COPG2: variants seen among roughly 807,000 people sequenced by gnomAD.
COPG2 encodes the protein coatomer subunit gamma-2.
In COPG2, 37 loss-of-function variants were observed where a neutral mutation model predicts 46.3. The observed-to-expected ratio is 0.80, with a 90% CI of 0.61 to 1.05. The LOEUF is 1.05. Ranked by LOEUF, COPG2 falls within the 50% of genes least tolerant of loss-of-function variation. COPG2 has a pLI of 0.00. For missense variants in COPG2, 427 were observed against 387.8 expected (o/e 1.10, Z -0.85); for synonymous variants, 159 against 129.7 (o/e 1.23, Z -1.53).
intron 4 of COPG2, among the ~76,000 whole-genome samples, chr7:130,661,873 G>A (rs1795987376): frequency 6.6e-6 from 1 of 152,266 alleles, no homozygotes; most frequent in South Asian, 2.1e-4. Flanking sequence ...ATCTATAACT[G>A]CCTTCATAGA....
At chr7:130,574,805 TACA>T (rs1476279532) in intron 9 of COPG2, among the ~76,000 whole-genome samples, 2 of 151,934 alleles carry the variant, frequency 1.3e-5, no homozygotes, top group African/African-American at 2.4e-5. Flanking sequence ...CAAAAAATGA[TACA>T]AGAAGTGAAG....
At chr7:130,578,541 A>C (rs1242685081) in intron 9 of COPG2, among the ~76,000 whole-genome samples, 1 of 150,852 alleles carries the variant, frequency 6.6e-6, no homozygotes, top group Non-Finnish European at 1.5e-5. Context: ...CAGACGATCA[A>C]ATTACTCTGA....
chr7:130,594,422 CA>C (rs1169195082), intron 9 of COPG2, among the ~76,000 whole-genome samples: 1 of 152,118 alleles, frequency 6.6e-6, no homozygotes, highest in Non-Finnish European at 1.5e-5. Flanking sequence ...TTGAAGAAAA[CA>C]GGTGTAAATC....
intron 5 of COPG2, among the ~76,000 whole-genome samples, chr7:130,626,019 G>T: frequency 6.6e-6 from 1 of 152,090 alleles, no homozygotes; most frequent in East Asian, 1.9e-4. Context: ...GGGGTACACA[G>T]TGATGTTTTG....
rs773126165 is a variant in COPG2, at chr7:130,612,186, T to G, written c.545A>C (p.Gln182Pro). The change falls in exon 8 of 24, where the codon CAA becomes CCA. Residue 182 changes from glutamine (Q) to proline (P), a missense_variant. Coordinates refer to ENST00000425248, the MANE Select transcript of COPG2 (RefSeq NM_012133.6). Reference protein sequence around the residue: ...DVVKRWINEAQEAASSDNIMV... With the variant: ...DVVKRWINEAPEAASSDNIMV... Reference sequence around the variant, plus strand: ...AATATTATCACTTGATGCAGCTTCTTGGGCTTCATTGATCCAGCGCTTAAC... The same window carrying G: ...AATATTATCACTTGATGCAGCTTCTGGGGCTTCATTGATCCAGCGCTTAAC... 1 of 1,612,052 alleles carries G rather than the reference T, an allele frequency of 6.2e-7. No homozygotes were observed. The highest frequency in any genetic ancestry group is 1.7e-5 in the Admixed American group (1 of 59,866).
intron 20 of COPG2, among the ~76,000 whole-genome samples, chr7:130,517,968 G>A (rs1014180964): frequency 3.0e-4 from 46 of 152,234 alleles, no homozygotes; most frequent in Middle Eastern, 3.4e-3. Flanking sequence ...GAAGAGCAGC[G>A]AAGGCCTGAA....
In COPG2 at chr7:130,644,235, G is replaced by A. The variant is rs550860106; in HGVS notation, c.323+8634C>T. Among the ~76,000 whole-genome samples, 5 of 152,248 alleles carry A rather than the reference G, an allele frequency of 3.3e-5. No individual in the cohort carries two copies. The South Asian group carries it at 1.0e-3, about 32-fold the overall frequency. On this transcript the variant is annotated intron_variant, in intron 5 of 23. Coordinates refer to ENST00000425248, the MANE Select transcript of COPG2 (RefSeq NM_012133.6). The stretch of plus-strand genomic sequence containing the variant: ...AGGGCTACTTTGTCCCAGGCCCATG[G>A]CTACTTTTAGGATAAGTTCTCTTTT...
chr7:130,586,839 G>T (rs1282294743), intron 9 of COPG2, among the ~76,000 whole-genome samples: 1 of 151,890 alleles, frequency 6.6e-6, no homozygotes, highest in Non-Finnish European at 1.5e-5. Context: ...ATCTATAAGT[G>T]GCACCAAAAG....
intron 9 of COPG2, among the ~76,000 whole-genome samples, chr7:130,578,232 G>A (rs1386268320): frequency 4.7e-5 from 7 of 149,238 alleles, no homozygotes; most frequent in African/African-American, 4.9e-5. Context: ...CCCCCAGCAG[G>A]GGCACACTGA....
At chr7:130,584,166 CAATA>C (rs1213791739) in intron 9 of COPG2, among the ~76,000 whole-genome samples, 1 of 151,974 alleles carries the variant, frequency 6.6e-6, no homozygotes, top group Admixed American at 6.6e-5. Flanking sequence ...ATACACAAGT[CAATA>C]AATGTGATAC....
At chr7:130,525,667 G>T (rs1799766558) in intron 20 of COPG2, among the ~76,000 whole-genome samples, 1 of 152,190 alleles carries the variant, frequency 6.6e-6, no homozygotes, top group Admixed American at 6.5e-5. Context: ...TATGTACATA[G>T]AGATGAAATA....
At chr7:130,615,709 G>T (rs1794939047) in intron 6 of COPG2, among the ~76,000 whole-genome samples, 1 of 152,182 alleles carries the variant, frequency 6.6e-6, no homozygotes, top group African/African-American at 2.4e-5. Flanking sequence ...GAGTAGTGAT[G>T]GTGGTAGCGG....
intron 9 of COPG2, among the ~76,000 whole-genome samples, chr7:130,606,132 A>G (rs532252330): frequency 6.6e-6 from 1 of 152,218 alleles, no homozygotes; most frequent in South Asian, 2.1e-4. Flanking sequence ...AGGCTGAGGC[A>G]TATGAATGGC....
At chr7:130,664,936 T>G (rs1472487113) in intron 3 of COPG2, among the ~76,000 whole-genome samples, 2 of 152,198 alleles carry the variant, frequency 1.3e-5, no homozygotes. Context: ...ATCCCAGGAC[T>G]TTGGGAAGCT....
intron 5 of COPG2, among the ~76,000 whole-genome samples, chr7:130,647,766 G>A (rs543615625): frequency 2.7e-5 from 4 of 146,530 alleles, no homozygotes; most frequent in East Asian, 2.0e-4. Context: ...AGTCTCACTC[G>A]GTCGCCCAGG....
chr7:130,556,799 G>T (rs1330368961), intron 12 of COPG2, among the ~76,000 whole-genome samples: 2 of 151,734 alleles, frequency 1.3e-5, no homozygotes, highest in Non-Finnish European at 2.9e-5. Flanking sequence ...TGCTGAAAAG[G>T]CTTTGATAAA....
chr7:130,653,808 G>A (rs545061585), intron 4 of COPG2, among the ~76,000 whole-genome samples: 1 of 151,828 alleles, frequency 6.6e-6, no homozygotes, highest in African/African-American at 2.4e-5. Context: ...ACCCATTAAG[G>A]AAAGAAAAGA....
intron 9 of COPG2, among the ~76,000 whole-genome samples, chr7:130,593,624 A>G (rs1291071774): frequency 6.6e-6 from 1 of 152,228 alleles, no homozygotes; most frequent in Non-Finnish European, 1.5e-5. Flanking sequence ...AATCCACATA[A>G]AGACACCTGA....
chr7:130,511,321 G>C (rs1218903143), intron 20 of COPG2: 3 of 463,896 alleles, frequency 6.5e-6, no homozygotes, highest in Non-Finnish European at 1.3e-5. Context: ...AAAAGAGATG[G>C]ATCTGTACAG....
Sources: gnomAD v4.1 joint callset for allele counts (sites outside exome capture counted in the v4.1 genomes callset) on GRCh38, gnomAD v4.1.1 for gene constraint, MANE v1.5 for transcripts, NCBI Gene and HGNC (gene_info 2026-07-23, HGNC 2026-07-21) for gene names.